Variants in ABCA8 observed in about 807,000 individuals in gnomAD.
The protein encoded by ABCA8 is ATP binding cassette subfamily A member 8, also known as ABC-type organic anion transporter ABCA8.
ABCA8 carries 177 observed loss-of-function variants against 192.3 expected under a neutral mutation model. That is an observed-to-expected ratio of 0.92 (90% CI 0.81 to 1.04). The LOEUF (loss-of-function observed/expected upper bound fraction) is 1.04. Ranked by LOEUF, ABCA8 falls within the 50% of genes least tolerant of loss-of-function variation. The pLI is 0.00. For missense variants in ABCA8, 1,915 were observed against 1,904.8 expected, an observed-to-expected ratio of 1.01 and a Z score of -0.10; for synonymous variants, 642 against 690.2, an observed-to-expected ratio of 0.93 and a Z score of 1.09.
chr17:68,952,608 A>C (rs534734064), intron 1 of ABCA8, among the ~76,000 whole-genome samples: 2 of 152,168 alleles, frequency 1.3e-5, no homozygotes, highest in South Asian at 4.2e-4. Flanking sequence ...CTTGTGCAGG[A>C]GGTGGAGTGT....
chr17:68,952,487 C>T (rs933306198), intron 1 of ABCA8, among the ~76,000 whole-genome samples: 6 of 152,100 alleles, frequency 3.9e-5, no homozygotes, highest in Non-Finnish European at 5.9e-5. Context: ...AAATGTGATT[C>T]AATTTTCAAT....
intron 23 of ABCA8, among the ~76,000 whole-genome samples, chr17:68,891,949 T>C (rs1257195966): frequency 6.6e-6 from 1 of 152,242 alleles, no homozygotes; most frequent in Non-Finnish European, 1.5e-5. Context: ...ATCTCAAATG[T>C]GACAGCTTAA....
At chr17:68,893,968 GT>G in intron 23 of ABCA8, 1 of 463,144 alleles carries the variant, frequency 2.2e-6, no homozygotes, top group Non-Finnish European at 3.8e-6. Context: ...TTTGAAAAAT[GT>G]TTTGTTCATT....
Position 68,949,488 on chromosome 17 carries a change from C to CA in ABCA8, c.-166-17dup, listed in dbSNP as rs1252323790. 1.7e-4 allele frequency: 26 copies of CA among 152,116 alleles called. No homozygotes were observed. Among genetic ancestry groups the CA allele is most frequent in the African/African-American group, 5.5e-4 (23 of 41,490 alleles). The allele number at this position is 152,116 out of a possible 1,614,324, so 9.4% of individuals were successfully genotyped here. Reference sequence around the variant, plus strand: ...CTACCAAAACCTGGCAGAGACACAACAAAAAAGGAAAATTTCAGGCCAATA... The same window carrying CA: ...CTACCAAAACCTGGCAGAGACACAACAAAAAAAGGAAAATTTCAGGCCAATA... On this transcript the variant is annotated splice_polypyrimidine_tract_variant and intron_variant, in intron 1 of 39. Transcript: ENST00000586539.
chr17:68,919,248 G>C, intron 14 of ABCA8, 53 bp downstream of exon 14: 8 of 1,459,580 alleles, frequency 5.5e-6, no homozygotes, highest in Non-Finnish European at 7.5e-6. Flanking sequence ...CAGTGCAAAT[G>C]GTTTTAATAA....
intron 26 of ABCA8, chr17:68,886,791 G>C (rs1012757840): frequency 1.9e-5 from 5 of 261,848 alleles, no homozygotes; most frequent in South Asian, 1.1e-4. Flanking sequence ...AATTATACAC[G>C]TTTCCTCCTA....
chr17:68,924,139 G>A (rs1378964282), intron 11 of ABCA8, among the ~76,000 whole-genome samples: 1 of 152,100 alleles, frequency 6.6e-6, no homozygotes, highest in Non-Finnish European at 1.5e-5. Flanking sequence ...GTGAAGTTGG[G>A]TGTTAAAGAC....
intron 17 of ABCA8, among the ~76,000 whole-genome samples, chr17:68,917,044 C>T (rs1432590314): frequency 1.3e-5 from 2 of 152,060 alleles, no homozygotes; most frequent in Admixed American, 6.6e-5. Flanking sequence ...CCGAGGCGGG[C>T]GGATCACGAG....
intron 20 of ABCA8, 73 bp from the exon 21 acceptor site, chr17:68,902,952 T>A: frequency 1.6e-6 from 2 of 1,260,314 alleles, no homozygotes; most frequent in Non-Finnish European, 1.1e-6. Context: ...CAGTTTATAA[T>A]GTAATGGGAT....
chr17:68,890,398 CTA>C (rs1448231077), intron 24 of ABCA8, among the ~76,000 whole-genome samples: 4 of 152,184 alleles, frequency 2.6e-5, no homozygotes, highest in Admixed American at 2.6e-4. Context: ...AGGTTATCCT[CTA>C]TTACAGAGGA....
chr17:68,909,352 G>A (rs941789612), intron 17 of ABCA8, among the ~76,000 whole-genome samples: 3 of 152,118 alleles, frequency 2.0e-5, no homozygotes, highest in Admixed American at 2.0e-4. Flanking sequence ...TAAAAGAAAG[G>A]GCATGACTGG....
chr17:68,950,438 A>C (rs1240172359), intron 1 of ABCA8, among the ~76,000 whole-genome samples: 1 of 152,226 alleles, frequency 6.6e-6, no homozygotes, highest in Non-Finnish European at 1.5e-5. Flanking sequence ...CTGGCTTCAA[A>C]CTATATTTAG....
In ABCA8 at chr17:68,887,881, C is replaced by CATATATATATATATATATATAT. The variant is rs1202636158; in HGVS notation, c.3145-397_3145-376dup. The stretch of plus-strand genomic sequence containing the variant: ...ATTCCTCTCTCTCTTTTCTCTCCTC[C>CATATATATATATATATATATAT]ATATATATATATATATATATATATA... On this transcript the variant is annotated intron_variant, in intron 24 of 39. Coordinates refer to ENST00000586539, the MANE Select transcript of ABCA8 (RefSeq NM_001288985.2). Among the ~76,000 whole-genome samples, 64 of 68,210 alleles carry CATATATATATATATATATATAT rather than the reference C, an allele frequency of 9.4e-4. 1 individual carries two copies. Among genetic ancestry groups the CATATATATATATATATATATAT allele is most frequent in the African/African-American group, 3.6e-3 (49 of 13,784 alleles). 44.7% of individuals were successfully genotyped at this position (68,210 alleles called of 152,430 possible).
chr17:68,933,197 G>A lies in ABCA8; in HGVS notation c.541C>T (p.Gln181Ter). The change falls in exon 6 of 40, where the codon CAA (glutamine) becomes TAA (stop). Residue 181 changes from glutamine to a stop codon, truncating the protein, a stop_gained. Transcript: ENST00000586539. LOFTEE classifies it high-confidence loss of function. ...VFWKEGFVALQAAINAAIIEI... is the reference protein window; with the variant it reads ...VFWKEGFVAL ...ATAATAGCAGCATTAATGGCAGCTT[G>A]AAGAGCCACAAAACCTTCCTTCCAA... The A allele has an allele frequency of 6.2e-7, 1 of 1,612,892 alleles. No homozygotes were observed. The highest frequency in any genetic ancestry group is 8.5e-7 in the Non-Finnish European group (1 of 1,179,274).
intron 32 of ABCA8, 66 bp downstream of exon 32, chr17:68,881,054 A>T: frequency 8.9e-7 from 1 of 1,120,222 alleles, no homozygotes; most frequent in Non-Finnish European, 1.4e-6. Context: ...TGTTGTTTTT[A>T]AGGTCATCAA....
chr17:68,922,442 C>T, intron 11 of ABCA8, 142 bp from the exon 12 acceptor site: 1 of 568,914 alleles, frequency 1.8e-6, no homozygotes, highest in Non-Finnish European at 2.9e-6. Context: ...AGCTGTGTGA[C>T]AGAATCAGCT....
At chr17:68,889,919 T>G (rs2066584785) in intron 24 of ABCA8, among the ~76,000 whole-genome samples, 1 of 152,214 alleles carries the variant, frequency 6.6e-6, no homozygotes, top group Middle Eastern at 3.2e-3. Context: ...TTCCATTGTA[T>G]GGCTATATCA....
Position 68,885,337 on chromosome 17 carries a change from G to T in ABCA8, c.3430-22C>A, listed in dbSNP as rs764223808. ...TGACCTAAAAGAAGCAAATATGAAG[G>T]TTAATCACTCTGAATTTCAATGTAA... On this transcript the variant is annotated intron_variant, in intron 26 of 39. Transcript: ENST00000586539. 4 of 1,585,230 alleles carry T rather than the reference G, an allele frequency of 2.5e-6. No homozygotes were observed. In the South Asian group the frequency reaches 4.6e-5, roughly 18 times the overall value.
intron 4 of ABCA8, among the ~76,000 whole-genome samples, chr17:68,940,143 G>A (rs1258052324): frequency 6.6e-6 from 1 of 152,030 alleles, no homozygotes; most frequent in Non-Finnish European, 1.5e-5. Context: ...TTACCCTTCA[G>A]CTTTAAGGTA....
Sources: allele counts gnomAD v4.1 joint callset (sites outside exome capture counted in the v4.1 genomes callset), GRCh38; gene constraint gnomAD v4.1.1; transcripts MANE v1.5; gene names NCBI Gene and HGNC (gene_info 2026-07-23, HGNC 2026-07-21).